The following IL17RA variants were observed in gnomAD, a reference collection of about 807,000 sequenced individuals.
IL17RA encodes interleukin-17 receptor A.
A neutral mutation model predicts 50.4 loss-of-function variants in IL17RA; 34 were observed. The ratio of observed to expected loss-of-function variants is 0.67; its 90% CI spans 0.51 to 0.90. The LOEUF (loss-of-function observed/expected upper bound fraction) is 0.90. Ranked by LOEUF, IL17RA falls within the 40% of genes least tolerant of loss-of-function variation. The pLI is 0.00. For missense variants in IL17RA, 1,276 were observed against 1,169.8 expected (o/e 1.09, Z -1.32); for synonymous variants, 585 against 510.4 (o/e 1.15, Z -1.97).
chr22:17,095,098 A>G (rs1186657544), intron 1 of IL17RA, among the ~76,000 whole-genome samples: 2 of 152,300 alleles, frequency 1.3e-5, no homozygotes, highest in African/African-American at 2.4e-5. Context: ...AATCTCATTT[A>G]TGAACATAAA....
At chr22:17,104,511 T>G (rs1019804434) in intron 8 of IL17RA, among the ~76,000 whole-genome samples, 1 of 152,088 alleles carries the variant, frequency 6.6e-6, no homozygotes, top group Admixed American at 6.5e-5. Context: ...ATTCCTTGCC[T>G]GGTAAGGCAC....
Position 17,109,114 on chromosome 22 carries a change from G to C in IL17RA, c.1895G>C (p.Cys632Ser). 2 of 1,554,430 alleles carry C rather than the reference G, an allele frequency of 1.3e-6. No individual in the cohort carries two copies. The highest frequency in any genetic ancestry group is 1.2e-5 in the South Asian group (1 of 85,918). The change falls in exon 13 of 13, where the codon TGC becomes TCC. Residue 632 changes from cysteine to serine, a missense_variant. Cys to Ser is a moderately radical substitution (Grantham distance 112). Coordinates refer to ENST00000319363, the MANE Select transcript of IL17RA (RefSeq NM_014339.7). ...GTGCGCGAGCCTGGCTCCCAGGCCT[G>C]CCTGGCCATAGACCCGCTGGTCGGG... ...PLVREPGSQACLAIDPLVGEE... is the reference protein window; with the variant it reads ...PLVREPGSQASLAIDPLVGEE...
At chr22:17,096,738 C>T (rs1408469122) in intron 1 of IL17RA, among the ~76,000 whole-genome samples, 1 of 151,974 alleles carries the variant, frequency 6.6e-6, no homozygotes, top group Non-Finnish European at 1.5e-5. Context: ...GGCGTGGTGG[C>T]GGGCGCCTGT....
At chr22:17,093,817 C>A in intron 1 of IL17RA, 1 of 165,252 alleles carries the variant, frequency 6.1e-6, no homozygotes, top group South Asian at 1.5e-4. Context: ...GTCCCCATCT[C>A]CTTCATGGCA....
At chr22:17,099,871 G>T (rs1381959513) in intron 4 of IL17RA, among the ~76,000 whole-genome samples, 1 of 152,118 alleles carries the variant, frequency 6.6e-6, no homozygotes, top group African/African-American at 2.4e-5. Context: ...GGTGAGTGGG[G>T]GTCTCTAGCT....
chr22:17,101,718 G>A (rs1179047997), intron 5 of IL17RA, among the ~76,000 whole-genome samples: 4 of 152,208 alleles, frequency 2.6e-5, no homozygotes, highest in Non-Finnish European at 5.9e-5. Context: ...CTGTGGGTGG[G>A]CAGAGAAGGA....
At position 17,110,065 on chromosome 22, in the gene IL17RA, C is replaced by T. The variant is rs1018275092; in HGVS notation, c.*245C>T. The T allele has an allele frequency of 2.8e-5, 16 of 561,954 alleles. No individual in the cohort carries two copies. Among genetic ancestry groups the T allele is most frequent in the African/African-American group, 2.1e-4 (11 of 53,226 alleles). The allele number at this position is 561,954 out of a possible 1,614,324, so 34.8% of individuals were successfully genotyped here. ...TCCCAGGAGCTAATGGTAGAGCGTC[C>T]TTGAGGCTCCATTATTCGTTCATTC... On this transcript the variant is annotated 3_prime_UTR_variant, in exon 13 of 13. Coordinates refer to ENST00000319363, the MANE Select transcript of IL17RA (RefSeq NM_014339.7).
chr22:17,102,894 C>T (rs1174191837), intron 7 of IL17RA, among the ~76,000 whole-genome samples: 1 of 149,090 alleles, frequency 6.7e-6, no homozygotes, highest in Non-Finnish European at 1.5e-5. Context: ...ATAATCCCAG[C>T]AGTTTGGGAG....
rs780323893 is a variant in IL17RA at position 17,108,618 on chromosome 22, C to G, written c.1399C>G (p.Leu467Val). 6.2e-7 allele frequency: 1 copy of G among 1,604,508 alleles called. No homozygotes were observed. The highest frequency in any genetic ancestry group is 1.3e-5 in the African/African-American group (1 of 74,910). Residue 467 changes from leucine to valine, a missense_variant, in exon 13 of 13, where the codon CTG becomes GTG. Leu to Val is a conservative substitution (Grantham distance 32). Transcript: ENST00000319363. ...CCTGGGCCGGGGGGCGCCTGTGCGG[C>G]TGCGCTGCGACCACGGAAAGCCCGT... ...ALLGRGAPVR[L>V]RCDHGKPVGD...
At chr22:17,106,077 G>A in intron 11 of IL17RA, 123 bp downstream of exon 11, 1 of 764,824 alleles carries the variant, frequency 1.3e-6, no homozygotes, top group Non-Finnish European at 2.3e-6. Context: ...ACGTCATAAA[G>A]CTGTTGTAAG....
At position 17,115,307 on chromosome 22, in the gene IL17RA, G is replaced by A. The variant is rs1203764253; in HGVS notation, c.*5487G>A. 6.6e-6 allele frequency: 1 copy of A among 152,216 alleles called. No individual in the cohort carries two copies. The highest frequency in any genetic ancestry group is 1.5e-5 in the Non-Finnish European group (1 of 68,042). The allele number at this position is 152,216 out of a possible 1,614,324, so 9.4% of individuals were successfully genotyped here. A position where few individuals can be genotyped will look rare whatever the true frequency, so the allele number is the denominator to read the frequency against. On this transcript the variant is annotated 3_prime_UTR_variant, in exon 13 of 13. Transcript: ENST00000319363. Reference sequence around the variant, plus strand: ...CCTTGTTACAATTATATATGTCTTAGGGGAAAGGACCATTTCACATGTGTC... The same window carrying A: ...CCTTGTTACAATTATATATGTCTTAAGGGAAAGGACCATTTCACATGTGTC...
At position 17,108,441 on chromosome 22, in the gene IL17RA, A is replaced by G. The variant is rs142092933; in HGVS notation, c.1222A>G (p.Thr408Ala). ...CCAGTTCCTGCTCACCGCCTGCGGCACGGAAGTGGCCCTGGACCTGCTGGA... is the reference window on the plus strand; with the variant it reads ...CCAGTTCCTGCTCACCGCCTGCGGCGCGGAAGTGGCCCTGGACCTGCTGGA... ...FAQFLLTACG[T>A]EVALDLLEEQ... is the part of the protein sequence containing the mutation. The change falls in exon 13 of 13, where the codon ACG becomes GCG. Residue 408 changes from threonine (T) to alanine (A), a missense_variant. Transcript: ENST00000319363. 6.2e-7 allele frequency: 1 copy of G among 1,613,890 alleles called. No individual in the cohort carries two copies. Among genetic ancestry groups the G allele is most frequent in the Non-Finnish European group, 8.5e-7 (1 of 1,180,022 alleles).
chr22:17,089,935 G>A (rs993490399), intron 1 of IL17RA, among the ~76,000 whole-genome samples: 29 of 150,712 alleles, frequency 1.9e-4, no homozygotes, highest in Non-Finnish European at 3.5e-4. Context: ...GGAATTTGTT[G>A]GACAAGACAA....
rs2061373602 is a variant in IL17RA, at chr22:17,097,813, C to T, written c.180C>T (p.Asp60=). Residue 60 remains aspartate, a synonymous_variant, in exon 3 of 13, where the codon GAC becomes GAT. Coordinates refer to ENST00000319363, the MANE Select transcript of IL17RA (RefSeq NM_014339.7). ...GGCTGCCAGGTACCTGCCTGGATGA[C>T]AGCTGGATTCACCCTCGAAACCTGA... ...CTVKNSTCLD[D]SWIHPRNLTP... 1.2e-6 allele frequency: 2 copies of T among 1,614,214 alleles called. No homozygotes were observed. Among genetic ancestry groups the T allele is most frequent in the Non-Finnish European group, 8.5e-7 (1 of 1,180,040 alleles).
Position 17,101,514 on chromosome 22 carries a change from G to A in IL17RA, c.551-482G>A, listed in dbSNP as rs2123801992. Among the ~76,000 whole-genome samples the A allele has an allele frequency of 3.3e-5, 5 of 152,308 alleles. No homozygotes were observed. In the South Asian group the frequency reaches 1.0e-3, roughly 32 times the overall value. ...GCAGGGCTTTGTCTTGTTTACCACTGTACCTCCAGTGCCAAGAACAGGGCC... is the reference window on the plus strand; with the variant it reads ...GCAGGGCTTTGTCTTGTTTACCACTATACCTCCAGTGCCAAGAACAGGGCC... On this transcript the variant is annotated intron_variant, in intron 5 of 12. Coordinates refer to ENST00000319363, the MANE Select transcript of IL17RA (RefSeq NM_014339.7).
intron 11 of IL17RA, among the ~76,000 whole-genome samples, chr22:17,107,424 C>T (rs1250187157): frequency 2.6e-5 from 4 of 152,260 alleles, no homozygotes; most frequent in African/African-American, 7.2e-5. Context: ...TTATGTACAA[C>T]GTGCCAGGCA....
intron 2 of IL17RA, chr22:17,097,541 ACTT>A: frequency 1.7e-6 from 1 of 577,792 alleles, no homozygotes; most frequent in Non-Finnish European, 3.1e-6. Flanking sequence ...CCCAATCACA[ACTT>A]CTTCTCAAAA....
chr22:17,099,671 C>T (rs540101135), intron 4 of IL17RA, among the ~76,000 whole-genome samples: 16 of 152,108 alleles, frequency 1.1e-4, no homozygotes, highest in African/African-American at 1.7e-4. Flanking sequence ...TAAATTAGGA[C>T]CCCCAAACTT....
chr22:17,099,294 C>G (rs555836808), intron 4 of IL17RA, among the ~76,000 whole-genome samples: 1 of 152,262 alleles, frequency 6.6e-6, no homozygotes, highest in South Asian at 2.1e-4. Context: ...ACCGCCCAGA[C>G]CAAAGAACTG....
Sources: allele counts gnomAD v4.1 joint callset (sites outside exome capture counted in the v4.1 genomes callset), GRCh38; gene constraint gnomAD v4.1.1; transcripts MANE v1.5; gene names NCBI Gene and HGNC (gene_info 2026-07-23, HGNC 2026-07-21).